DENND1A: variants seen among roughly 807,000 people sequenced by gnomAD.
DENND1A encodes the protein DENN domain containing 1A, also known as DENN domain-containing protein 1A.
A neutral mutation model predicts 113.7 loss-of-function variants in DENND1A; 51 were observed. That is an observed-to-expected ratio of 0.45 (90% CI 0.36 to 0.57). The LOEUF (loss-of-function observed/expected upper bound fraction) is 0.57. Among genes scored for constraint, DENND1A ranks in the 20% least tolerant of loss-of-function variants. The probability of loss-of-function intolerance (pLI) is 0.00; values close to 1 mark genes in which losing one functional copy is unlikely to be tolerated. For synonymous variants in DENND1A, 565 were observed against 570.8 expected, an observed-to-expected ratio of 0.99 and a Z score of 0.14; for missense variants, 1,258 against 1,395.9, an observed-to-expected ratio of 0.90 and a Z score of 1.57.
chr9:123,591,740 C>T (rs1036958347), intron 11 of DENND1A, among the ~76,000 whole-genome samples: 2 of 152,202 alleles, frequency 1.3e-5, no homozygotes, highest in African/African-American at 4.8e-5. Flanking sequence ...GGGAGGTCTG[C>T]CTGGCAGCAG....
chr9:123,723,027 G>T (rs1437163278), intron 5 of DENND1A, among the ~76,000 whole-genome samples: 1 of 152,210 alleles, frequency 6.6e-6, no homozygotes, highest in Non-Finnish European at 1.5e-5. Context: ...CAGCCAGGAG[G>T]GTGGCTGTAC....
chr9:123,761,610 A>G (rs940362234), intron 4 of DENND1A, among the ~76,000 whole-genome samples: 1 of 152,220 alleles, frequency 6.6e-6, no homozygotes, highest in Admixed American at 6.5e-5. Flanking sequence ...GCCACAGCTT[A>G]CCAGGAGGTA....
chr9:123,451,623 G>T (rs2047723896), intron 17 of DENND1A, among the ~76,000 whole-genome samples: 1 of 152,112 alleles, frequency 6.6e-6, no homozygotes, highest in African/African-American at 2.4e-5. Context: ...CCCAATAATG[G>T]GGATTCCTGC....
chr9:123,599,210 G>A (rs1379358413), intron 11 of DENND1A, among the ~76,000 whole-genome samples: 4 of 152,146 alleles, frequency 2.6e-5, no homozygotes, highest in Admixed American at 6.5e-5. Flanking sequence ...TAGCCTAAAC[G>A]GCATATCTCT....
chr9:123,484,599 C>G (rs1233422393), intron 13 of DENND1A, among the ~76,000 whole-genome samples: 1 of 152,206 alleles, frequency 6.6e-6, no homozygotes, highest in African/African-American at 2.4e-5. Flanking sequence ...TCCTTCCTGC[C>G]TTGTTGCCCC....
chr9:123,390,568 C>T (rs1474904600), intron 21 of DENND1A, among the ~76,000 whole-genome samples: 2 of 152,234 alleles, frequency 1.3e-5, no homozygotes, highest in Non-Finnish European at 2.9e-5. Context: ...AGGGTGAGGG[C>T]TTCATGAGTC....
At chr9:123,700,538 G>C (rs969552013) in intron 5 of DENND1A, among the ~76,000 whole-genome samples, 2 of 152,160 alleles carry the variant, frequency 1.3e-5, no homozygotes, top group Non-Finnish European at 1.5e-5. Context: ...AGGCCAGCAA[G>C]CTGGGAACTC....
At chr9:123,638,750 C>T (rs924070820) in intron 9 of DENND1A, among the ~76,000 whole-genome samples, 67 of 152,040 alleles carry the variant, frequency 4.4e-4, no homozygotes, top group African/African-American at 1.4e-3. Flanking sequence ...TGTGAGCTAC[C>T]ATGCCCAGCC....
At chr9:123,600,997 T>C (rs1283839548) in intron 11 of DENND1A, among the ~76,000 whole-genome samples, 1 of 152,212 alleles carries the variant, frequency 6.6e-6, no homozygotes, top group Non-Finnish European at 1.5e-5. Flanking sequence ...TCATTCAGGC[T>C]TCTCTTGGTA....
chr9:123,677,606 G>A (rs1459348790), intron 5 of DENND1A, among the ~76,000 whole-genome samples: 1 of 152,080 alleles, frequency 6.6e-6, no homozygotes, highest in Non-Finnish European at 1.5e-5. Flanking sequence ...GCTAATTTTT[G>A]TATTTTTAAT....
At chr9:123,438,065 AAG>A (rs1049688565) in intron 19 of DENND1A, among the ~76,000 whole-genome samples, 6 of 152,218 alleles carry the variant, frequency 3.9e-5, no homozygotes, top group Non-Finnish European at 8.8e-5. Flanking sequence ...TATAGATGGT[AAG>A]AGAGTGTGGT....
At chr9:123,800,983 C>G (rs1834550729) in intron 2 of DENND1A, among the ~76,000 whole-genome samples, 2 of 152,154 alleles carry the variant, frequency 1.3e-5, no homozygotes, top group African/African-American at 4.8e-5. Context: ...ACAGGAGAGA[C>G]AATGCGGACA....
At chr9:123,667,415 G>C (rs7034279) in intron 7 of DENND1A, among the ~76,000 whole-genome samples, 3,637 of 152,188 alleles carry the variant, frequency 0.024, 64 homozygotes, top group South Asian at 0.058. Context: ...AGGAGTTCGA[G>C]ACCAGCCTGG....
At chr9:123,403,572 C>T (rs905499483) in intron 20 of DENND1A, 82 bp from the exon 21 acceptor site, 17 of 1,297,682 alleles carry the variant, frequency 1.3e-5, no homozygotes, top group African/African-American at 4.4e-5. Flanking sequence ...TTTGGATAAA[C>T]GGCCCCCCCA....
intron 2 of DENND1A, among the ~76,000 whole-genome samples, chr9:123,816,445 T>C (rs1410112855): frequency 2.6e-5 from 4 of 152,198 alleles, no homozygotes; most frequent in African/African-American, 4.8e-5. Flanking sequence ...AAATGGGTGA[T>C]ATAGGCTTCC....
chr9:123,563,110 C>T (rs1268816231), intron 12 of DENND1A, among the ~76,000 whole-genome samples: 2 of 152,130 alleles, frequency 1.3e-5, no homozygotes, highest in Admixed American at 1.3e-4. Context: ...GATATTCATT[C>T]CTCTTCTGTA....
intron 13 of DENND1A, among the ~76,000 whole-genome samples, chr9:123,501,379 T>C (rs1212228835): frequency 1.3e-5 from 2 of 152,238 alleles, no homozygotes; most frequent in Admixed American, 1.3e-4. Flanking sequence ...TTTTAGCTAT[T>C]GTGAATAGTG....
intron 22 of DENND1A, among the ~76,000 whole-genome samples, chr9:123,385,150 G>A (rs2042492230): frequency 1.3e-5 from 2 of 152,104 alleles, no homozygotes; most frequent in African/African-American, 4.8e-5. Flanking sequence ...CCAGTGGGAA[G>A]TGCATCTAGC....
At chr9:123,705,516 C>T (rs1435520389) in intron 5 of DENND1A, among the ~76,000 whole-genome samples, 1 of 151,974 alleles carries the variant, frequency 6.6e-6, no homozygotes, top group Non-Finnish European at 1.5e-5. Flanking sequence ...AATTGAGTTT[C>T]TAAACAACAC....
Sources: gnomAD v4.1 joint callset for allele counts (sites outside exome capture counted in the v4.1 genomes callset) on GRCh38, gnomAD v4.1.1 for gene constraint, MANE v1.5 for transcripts, NCBI Gene and HGNC (gene_info 2026-07-23, HGNC 2026-07-21) for gene names.